The following PIEZO1 variants were observed in gnomAD, a reference collection of about 807,000 sequenced individuals.
PIEZO1 encodes the protein piezo type mechanosensitive ion channel component 1 (Er blood group).
A neutral mutation model predicts 297.2 loss-of-function variants in PIEZO1; 296 were observed. The observed-to-expected ratio is 1.00, with a 90% CI of 0.91 to 1.10. The LOEUF (loss-of-function observed/expected upper bound fraction) is 1.10, where lower values mean the gene tolerates loss of function less well. PIEZO1 is among the 50% of genes least tolerant of loss of function. The pLI is 0.00. For synonymous variants in PIEZO1, 2,427 were observed against 1,507.5 expected, an observed-to-expected ratio of 1.61 and a Z score of -14.13; for missense variants, 5,018 against 3,455.5, an observed-to-expected ratio of 1.45 and a Z score of -11.34.
chr16:88,725,412 T>G lies in PIEZO1; in HGVS notation c.4162+4A>C, dbSNP rs760840408. The G allele has an allele frequency of 1.4e-6, 2 of 1,435,468 alleles. No homozygotes were observed. The highest frequency in any genetic ancestry group is 2.9e-5 in the African/African-American group (2 of 69,608). The allele number at this position is 1,435,468 out of a possible 1,614,324, so 88.9% of individuals were successfully genotyped here. On this transcript the variant is annotated splice_donor_region_variant and intron_variant, in intron 29 of 50. Coordinates refer to ENST00000301015, the MANE Select transcript of PIEZO1 (RefSeq NM_001142864.4). ...CCTGGGTGCCCGACTCCAGCTGCACTCACCTGGCTCCAGGCCGGGGTCCTT... is the reference window on the plus strand; with the variant it reads ...CCTGGGTGCCCGACTCCAGCTGCACGCACCTGGCTCCAGGCCGGGGTCCTT...
At chr16:88,766,500 C>T (rs577979395) in intron 1 of PIEZO1, among the ~76,000 whole-genome samples, 3 of 152,342 alleles carry the variant, frequency 2.0e-5, no homozygotes, top group African/African-American at 7.2e-5. Flanking sequence ...CTGGGGACCC[C>T]GAGTTCCTGC....
intron 19 of PIEZO1, chr16:88,732,978 C>A: frequency 1.7e-6 from 1 of 583,886 alleles, no homozygotes; most frequent in Non-Finnish European, 3.0e-6. Context: ...GCGAGAAGGT[C>A]CCAGGCAGAG....
In PIEZO1 at chr16:88,734,869, A is replaced by T; in HGVS notation, c.1848+6T>A. 1 of 1,548,244 alleles carries T rather than the reference A, an allele frequency of 6.5e-7. No homozygotes were observed. The highest frequency in any genetic ancestry group is 2.0e-5 in the Admixed American group (1 of 50,988). ...GCCCCAGCCCCCATCCCGGCCCCCCAGCCACCTGGAAGAGGGTGAGGCAGA... is the reference window on the plus strand; with the variant it reads ...GCCCCAGCCCCCATCCCGGCCCCCCTGCCACCTGGAAGAGGGTGAGGCAGA... On this transcript the variant is annotated splice_donor_region_variant and intron_variant, in intron 14 of 50. Coordinates refer to ENST00000301015, the MANE Select transcript of PIEZO1 (RefSeq NM_001142864.4).
Position 88,723,347 on chromosome 16 carries a change from G to A in PIEZO1, c.4336-19C>T, listed in dbSNP as rs1904298016. ...ACGCCAGCTGTCGGCCAGCCCCCGG[G>A]TTAGGACCCGGCCTCCCGAGCCATC... is the stretch of plus-strand genomic sequence containing the variant. On this transcript the variant is annotated intron_variant, in intron 31 of 50. Coordinates refer to ENST00000301015, the MANE Select transcript of PIEZO1 (RefSeq NM_001142864.4). 2.6e-6 allele frequency: 4 copies of A among 1,536,212 alleles called. No homozygotes were observed. The highest frequency in any genetic ancestry group is 3.5e-6 in the Non-Finnish European group (4 of 1,146,358).
Position 88,732,562 on chromosome 16 carries a change from G to T in PIEZO1, c.2791-27C>A, listed in dbSNP as rs1477657404. On this transcript the variant is annotated intron_variant, in intron 20 of 50. Transcript: ENST00000301015. ...TGCGGAGGGCAAGGGTCAGGGGGCA[G>T]CCGGGTACTCGCCCGCCCAGCCGCC... 7 of 1,542,892 alleles carry T rather than the reference G, an allele frequency of 4.5e-6. No homozygotes were observed. The Admixed American group carries it at 5.9e-5, about 13-fold the overall frequency.
intron 22 of PIEZO1, among the ~76,000 whole-genome samples, chr16:88,728,074 C>T (rs1296792025): frequency 2.6e-5 from 4 of 152,266 alleles, no homozygotes; most frequent in Admixed American, 6.5e-5. Flanking sequence ...CTGCTCAGCA[C>T]GTGGGACCGG....
At chr16:88,724,458 G>A (rs899763452) in intron 30 of PIEZO1, among the ~76,000 whole-genome samples, 1 of 151,926 alleles carries the variant, frequency 6.6e-6, no homozygotes, top group Admixed American at 6.6e-5. Flanking sequence ...TTGAACCTGG[G>A]AGGTGGGGGT....
At chr16:88,742,618 A>G in intron 2 of PIEZO1, 196 bp from the exon 3 acceptor site, 1 of 570,942 alleles carries the variant, frequency 1.8e-6, no homozygotes, top group Non-Finnish European at 3.1e-6. Flanking sequence ...CTCTTGTCAC[A>G]AGGAGCCGGG....
intron 21 of PIEZO1, 120 bp downstream of exon 21, chr16:88,732,212 CCCA>C: frequency 1.2e-6 from 1 of 817,654 alleles, no homozygotes; most frequent in Admixed American, 2.2e-5. Context: ...CCCTGAGTCC[CCCA>C]CCCTCTGTGG....
rs1277966254 is a variant in PIEZO1, at chr16:88,732,628, G to T, written c.2769C>A (p.Phe923Leu). The change falls in exon 20 of 51, where the codon TTC (phenylalanine) becomes TTA (leucine). Residue 923 changes from phenylalanine (F) to leucine (L), a missense_variant. Phe to Leu is a conservative substitution (Grantham distance 22). Transcript: ENST00000301015. ...TCACCTGGATGTAGCCCAGGTTGGG[G>T]AACCCTTTCCGCACCCCAAACCAGT... ...PANWFGVRKG[F>L]PNLGYIQNHL... 1.3e-6 allele frequency: 2 copies of T among 1,549,440 alleles called. No individual in the cohort carries two copies. Among genetic ancestry groups the T allele is most frequent in the Non-Finnish European group, 1.7e-6 (2 of 1,146,336 alleles).
Position 88,734,262 on chromosome 16 carries a change from G to C in PIEZO1, c.2180+94C>G, listed in dbSNP as rs9922996. On this transcript the variant is annotated intron_variant, in intron 16 of 50. Coordinates refer to ENST00000301015, the MANE Select transcript of PIEZO1 (RefSeq NM_001142864.4). ...AAATGCCCCTTGGGATCTGAAGGTGGAAGATGTGGCTCCTGTCCAACTCCC... is the reference window on the plus strand; with the variant it reads ...AAATGCCCCTTGGGATCTGAAGGTGCAAGATGTGGCTCCTGTCCAACTCCC... 0.12 allele frequency: 149,874 copies of C among 1,270,434 alleles called. 9,885 individuals carry two copies. The highest frequency in any genetic ancestry group is 0.13 in the Non-Finnish European group (126,584 of 942,844). The allele number at this position is 1,270,434 out of a possible 1,614,324, so 78.7% of individuals were successfully genotyped here.
chr16:88,734,574 C>G, intron 15 of PIEZO1, 36 bp from the exon 16 acceptor site: 1 of 1,545,180 alleles, frequency 6.5e-7, no homozygotes, highest in Non-Finnish European at 8.7e-7. Flanking sequence ...GCCCGGCCCC[C>G]GGCAGAGCCG....
chr16:88,716,959 G>C (rs1038830882), intron 45 of PIEZO1, 61 bp from the exon 46 acceptor site: 1 of 1,543,224 alleles, frequency 6.5e-7, no homozygotes, highest in South Asian at 1.2e-5. Context: ...GCTGGGGGTG[G>C]TGCACCACCT....
At chr16:88,724,098 G>A (rs1037799407) in intron 30 of PIEZO1, 127 bp from the exon 31 acceptor site, 1 of 644,784 alleles carries the variant, frequency 1.6e-6, no homozygotes, top group Non-Finnish European at 2.8e-6. Context: ...AGCAGTGCAG[G>A]CACAAGACAC....
chr16:88,736,855 G>A (rs1038827464), intron 10 of PIEZO1, 116 bp from the exon 11 acceptor site: 4 of 630,944 alleles, frequency 6.3e-6, no homozygotes, highest in South Asian at 2.0e-5. Flanking sequence ...CAGGCCCCCG[G>A]TGGGCTATGG....
At chr16:88,724,810 G>A (rs1003330382) in intron 30 of PIEZO1, among the ~76,000 whole-genome samples, 199 bp downstream of exon 30, 3 of 152,026 alleles carry the variant, frequency 2.0e-5, no homozygotes, top group Non-Finnish European at 2.9e-5. Flanking sequence ...AAGGGCTGGG[G>A]CATAGCCAGG....
At position 88,721,883 on chromosome 16, in the gene PIEZO1, G is replaced by T. The variant is rs369279313; in HGVS notation, c.5139C>A (p.Leu1713=). The T allele has an allele frequency of 2.6e-6, 4 of 1,549,922 alleles. No homozygotes were observed. The highest frequency in any genetic ancestry group is 2.7e-5 in the African/African-American group (2 of 73,048). The stretch of plus-strand genomic sequence containing the variant: ...TCGACAGCATGGCCCACAGGAAGAC[G>T]AGCACGGGCAGCACCAGCGAGCCGG... ...ASAGSLVLPV[L]VFLWAMLSIP... The change falls in exon 37 of 51, where the codon CTC becomes CTA. Residue 1713 remains leucine, a synonymous_variant. Transcript: ENST00000301015.
Position 88,737,584 on chromosome 16 carries a change from G to A in PIEZO1, c.1170C>T (p.Gly390=). The change falls in exon 10 of 51, where the codon GGC becomes GGT. Residue 390 remains glycine, a synonymous_variant. Transcript: ENST00000301015. ...ADNCIVHELT[G]QSSVLRRPVR... is the part of the protein sequence containing the mutation. ...CAGGCCGCCGCAGGACGGAGCTCTG[G>A]CCGGTCAGCTCGTGCACGATGCAGT... The A allele has an allele frequency of 3.9e-6, 6 of 1,534,360 alleles. No homozygotes were observed. Among genetic ancestry groups the A allele is most frequent in the Non-Finnish European group, 5.2e-6 (6 of 1,146,362 alleles).
At position 88,721,721 on chromosome 16, in the gene PIEZO1, C is replaced by T. The variant is rs912392507; in HGVS notation, c.5220G>A (p.Ala1740=). The T allele has an allele frequency of 1.3e-5, 20 of 1,541,268 alleles. No homozygotes were observed. The highest frequency in any genetic ancestry group is 1.2e-4 in the Admixed American group (6 of 50,798). Residue 1740 remains alanine, a synonymous_variant, in exon 38 of 51, where the codon GCG becomes GCA. Transcript: ENST00000301015. ...WMTAIVFTEI[A]VVVKYLFQFG... ...ACTGGAACAGGTACTTGACGACCAC[C>T]GCGATCTGTGGGGGAGGGGGCTCAG...
Sources: allele counts gnomAD v4.1 joint callset (sites outside exome capture counted in the v4.1 genomes callset), GRCh38; gene constraint gnomAD v4.1.1; transcripts MANE v1.5; gene names NCBI Gene and HGNC (gene_info 2026-07-23, HGNC 2026-07-21).